CSMD1: variants seen among roughly 807,000 people sequenced by gnomAD.
CSMD1 encodes CUB and sushi domain-containing protein 1.
A neutral mutation model predicts 417.5 loss-of-function variants in CSMD1; 213 were observed. The ratio of observed to expected loss-of-function variants is 0.51; its 90% confidence interval spans 0.46 to 0.57. The LOEUF (loss-of-function observed/expected upper bound fraction) is 0.57. Among genes scored for constraint, CSMD1 ranks in the 20% least tolerant of loss-of-function variants. CSMD1 has a pLI of 0.00. For missense variants in CSMD1, 6,923 were observed against 4,529.7 expected (o/e 1.53, Z -15.17); for synonymous variants, 2,862 against 1,736.8 (o/e 1.65, Z -16.11).
At chr8:3,793,213 G>A (rs899086115) in intron 5 of CSMD1, among the ~76,000 whole-genome samples, 3 of 152,224 alleles carry the variant, frequency 2.0e-5, no homozygotes, top group East Asian at 3.9e-4. Context: ...TCTCTCAACC[G>A]CTATGGTCTA....
intron 10 of CSMD1, among the ~76,000 whole-genome samples, chr8:3,564,762 C>A (rs965065555): frequency 4.6e-5 from 7 of 151,686 alleles, no homozygotes; most frequent in South Asian, 2.1e-4. Flanking sequence ...ACCCAAAAAA[C>A]CACAATCGAT....
chr8:4,349,572 G>A (rs967834657), intron 3 of CSMD1, among the ~76,000 whole-genome samples: 3 of 152,048 alleles, frequency 2.0e-5, no homozygotes, highest in African/African-American at 7.2e-5. Flanking sequence ...GACATAGAAG[G>A]CTTCAACATT....
At chr8:3,744,293 T>C (rs1481389288) in intron 6 of CSMD1, among the ~76,000 whole-genome samples, 1 of 152,048 alleles carries the variant, frequency 6.6e-6, no homozygotes, top group East Asian at 1.9e-4. Flanking sequence ...AAAAGGCGGA[T>C]GGGGACACAG....
chr8:4,940,432 G>C (rs1275565744), intron 1 of CSMD1, among the ~76,000 whole-genome samples: 2 of 152,152 alleles, frequency 1.3e-5, no homozygotes, highest in Non-Finnish European at 2.9e-5. Flanking sequence ...TATGTACTTT[G>C]ATTCTCTTTA....
chr8:3,991,222 C>T (rs1251364123), intron 5 of CSMD1, among the ~76,000 whole-genome samples: 2 of 152,146 alleles, frequency 1.3e-5, no homozygotes, highest in Non-Finnish European at 2.9e-5. Flanking sequence ...TGAAAGAAAG[C>T]CACCAATCAA....
At chr8:3,476,312 T>C (rs933227915) in intron 11 of CSMD1, among the ~76,000 whole-genome samples, 3 of 152,202 alleles carry the variant, frequency 2.0e-5, no homozygotes, top group African/African-American at 7.2e-5. Flanking sequence ...GGAGTAATGA[T>C]TTTAGTTCTC....
chr8:4,510,028 C>T (rs968314955), intron 2 of CSMD1, among the ~76,000 whole-genome samples: 9 of 152,142 alleles, frequency 5.9e-5, no homozygotes, highest in Admixed American at 3.9e-4. Flanking sequence ...GGGAGGGACC[C>T]GGTGGGAGGT....
At chr8:3,368,477 C>T (rs528239927) in intron 19 of CSMD1, among the ~76,000 whole-genome samples, 236 of 152,270 alleles carry the variant, frequency 1.5e-3, no homozygotes, top group Non-Finnish European at 2.8e-3. Flanking sequence ...GCTGCGATTA[C>T]AGGCATGCAC....
intron 6 of CSMD1, among the ~76,000 whole-genome samples, chr8:3,713,220 T>A (rs1354380343): frequency 6.6e-6 from 1 of 152,180 alleles, no homozygotes; most frequent in African/African-American, 2.4e-5. Flanking sequence ...TTACTTTAGT[T>A]TTCCTTTTTT....
rs150147208 is a variant in CSMD1, at chr8:4,495,108, A to T, written c.303-75043T>A. Among the ~76,000 whole-genome samples the T allele has an allele frequency of 4.5e-3, 692 of 152,280 alleles. 3 individuals carry two copies. The highest frequency in any genetic ancestry group is 0.015 in the African/African-American group (640 of 41,570). On this transcript the variant is annotated intron_variant, in intron 2 of 69. Coordinates refer to ENST00000635120, the MANE Select transcript of CSMD1 (RefSeq NM_033225.6). Reference sequence around the variant, plus strand: ...ATTCACTATTCACCCTGCTTCTAAAACACATGGACAACAGGCAGCATTATT... The same window carrying T: ...ATTCACTATTCACCCTGCTTCTAAATCACATGGACAACAGGCAGCATTATT...
intron 50 of CSMD1, among the ~76,000 whole-genome samples, chr8:3,044,651 T>A (rs1232854613): frequency 6.6e-6 from 1 of 151,428 alleles, no homozygotes; most frequent in Non-Finnish European, 1.5e-5. Flanking sequence ...AAAAGGGACC[T>A]CAAACATCTG....
At chr8:2,992,302 G>C (rs1407909345) in intron 54 of CSMD1, among the ~76,000 whole-genome samples, 1 of 152,152 alleles carries the variant, frequency 6.6e-6, no homozygotes, top group African/African-American at 2.4e-5. Flanking sequence ...TTTTGTTTTG[G>C]GGTGATGAAA....
At chr8:4,880,921 A>G (rs1461681208) in intron 1 of CSMD1, among the ~76,000 whole-genome samples, 2 of 152,056 alleles carry the variant, frequency 1.3e-5, no homozygotes, top group African/African-American at 4.8e-5. Flanking sequence ...CTTATTTACT[A>G]TCTTTGGACT....
intron 7 of CSMD1, among the ~76,000 whole-genome samples, chr8:3,673,334 A>C (rs1168451180): frequency 3.9e-5 from 6 of 152,220 alleles, no homozygotes; most frequent in African/African-American, 1.4e-4. Context: ...TTCAGCAAGT[A>C]CTGAACAAAA....
At chr8:4,448,548 TC>T (rs1463817994) in intron 2 of CSMD1, among the ~76,000 whole-genome samples, 12 of 152,200 alleles carry the variant, frequency 7.9e-5, no homozygotes, top group Admixed American at 5.2e-4. Flanking sequence ...CATGGGAACA[TC>T]CTTTGAAATC....
At chr8:3,307,337 G>A (rs1242501483) in intron 25 of CSMD1, among the ~76,000 whole-genome samples, 2 of 151,998 alleles carry the variant, frequency 1.3e-5, no homozygotes, top group Admixed American at 6.6e-5. Flanking sequence ...TCACACCTAA[G>A]GAAGGTCATC....
At chr8:4,947,681 G>C (rs1203683406) in intron 1 of CSMD1, among the ~76,000 whole-genome samples, 5 of 152,042 alleles carry the variant, frequency 3.3e-5, no homozygotes, top group Non-Finnish European at 5.9e-5. Flanking sequence ...TCTTGGCATT[G>C]AAAAATAAAT....
chr8:3,454,326 T>C (rs1815961645), intron 12 of CSMD1, among the ~76,000 whole-genome samples: 1 of 152,224 alleles, frequency 6.6e-6, no homozygotes, highest in African/African-American at 2.4e-5. Context: ...AAGGTTAATA[T>C]TGTTATGTGT....
chr8:3,801,610 C>A (rs978758709), intron 5 of CSMD1, among the ~76,000 whole-genome samples: 2 of 149,380 alleles, frequency 1.3e-5, no homozygotes, highest in African/African-American at 4.9e-5. Flanking sequence ...GTAAAGAATT[C>A]CACTCCTAGT....
Sources: gnomAD v4.1 joint callset for allele counts (sites outside exome capture counted in the v4.1 genomes callset) on GRCh38, gnomAD v4.1.1 for gene constraint, MANE v1.5 for transcripts, NCBI Gene and HGNC (gene_info 2026-07-23, HGNC 2026-07-21) for gene names.